Variants in SPRED1 observed in about 807,000 individuals in gnomAD.
SPRED1 encodes sprouty-related, EVH1 domain-containing protein 1.
A neutral mutation model predicts 52.3 loss-of-function variants in SPRED1; 18 were observed. That is an observed-to-expected ratio of 0.34 (90% CI 0.24 to 0.51). SPRED1 has a LOEUF of 0.51. Ranked by LOEUF, SPRED1 falls within the 20% of genes least tolerant of loss-of-function variation. SPRED1 has a pLI of 0.97. For synonymous variants in SPRED1, 155 were observed against 179.7 expected, an observed-to-expected ratio of 0.86 and a Z score of 1.10; for missense variants, 485 against 551.0, an observed-to-expected ratio of 0.88 and a Z score of 1.20.
chr15:38,302,279 A>G (rs2140980553), intron 2 of SPRED1, among the ~76,000 whole-genome samples: 1 of 152,240 alleles, frequency 6.6e-6, no homozygotes, highest in South Asian at 2.1e-4. Flanking sequence ...TTATGAGAGA[A>G]CCACTTTCAC....
At chr15:38,254,970 A>G (rs1464625291) in intron 1 of SPRED1, among the ~76,000 whole-genome samples, 1 of 152,252 alleles carries the variant, frequency 6.6e-6, no homozygotes, top group Non-Finnish European at 1.5e-5. Flanking sequence ...TAGAGATGGG[A>G]AAAGACTTCT....
intron 2 of SPRED1, among the ~76,000 whole-genome samples, chr15:38,309,822 A>G (rs2140985877): frequency 6.6e-6 from 1 of 152,222 alleles, no homozygotes; most frequent in African/African-American, 2.4e-5. Flanking sequence ...ATGAATGTCC[A>G]GTTTTTCCTG....
At chr15:38,334,939 C>T (rs915785550) in intron 4 of SPRED1, among the ~76,000 whole-genome samples, 1 of 151,374 alleles carries the variant, frequency 6.6e-6, no homozygotes, top group African/African-American at 2.4e-5. Context: ...TCACCAACAG[C>T]GCAAAAAAGT....
chr15:38,263,471 C>T (rs1224214924), intron 1 of SPRED1, among the ~76,000 whole-genome samples: 2 of 152,100 alleles, frequency 1.3e-5, no homozygotes, highest in African/African-American at 4.8e-5. Context: ...AAGTGAGAAA[C>T]AGCAGTGTTT....
intron 2 of SPRED1, among the ~76,000 whole-genome samples, chr15:38,314,472 C>T (rs1895431620): frequency 6.6e-6 from 1 of 151,844 alleles, no homozygotes; most frequent in African/African-American, 2.4e-5. Flanking sequence ...AGTTTAATTC[C>T]AGCTGAACAC....
In SPRED1 at chr15:38,331,589, T is replaced by C. The variant is rs532866779; in HGVS notation, c.423+6780T>C. Among the ~76,000 whole-genome samples, 44 of 152,250 alleles carry C rather than the reference T, an allele frequency of 2.9e-4. No homozygotes were observed. The Middle Eastern group carries it at 0.01, about 35-fold the overall frequency. On this transcript the variant is annotated intron_variant, in intron 4 of 6. Coordinates refer to ENST00000299084, the MANE Select transcript of SPRED1 (RefSeq NM_152594.3). ...CCAAAATTCAGATTTTCTTAAGCAC[T>C]GACATGTGGCTCAAAAGAATGCTCA...
Position 38,354,568 on chromosome 15 carries a change from G to C in SPRED1, c.*2904G>C, listed in dbSNP as rs1333903704. On this transcript the variant is annotated 3_prime_UTR_variant, in exon 7 of 7. Coordinates refer to ENST00000299084, the MANE Select transcript of SPRED1 (RefSeq NM_152594.3). Reference sequence around the variant, plus strand: ...TGAGATGGCAATAGGGATCTGACAGGGTTCATCACTACTACCATTAAAGGG... The same window carrying C: ...TGAGATGGCAATAGGGATCTGACAGCGTTCATCACTACTACCATTAAAGGG... The C allele has an allele frequency of 1.3e-5, 2 of 152,100 alleles. No homozygotes were observed. The highest frequency in any genetic ancestry group is 4.8e-5 in the African/African-American group (2 of 41,406). The allele number at this position is 152,100 out of a possible 1,614,324, so 9.4% of individuals were successfully genotyped here.
chr15:38,256,085 G>A (rs757669431), intron 1 of SPRED1, among the ~76,000 whole-genome samples: 12 of 152,118 alleles, frequency 7.9e-5, no homozygotes, highest in Non-Finnish European at 1.3e-4. Context: ...ATTAGTGGGG[G>A]ATCTGTTATG....
intron 5 of SPRED1, among the ~76,000 whole-genome samples, chr15:38,346,220 A>G (rs1459099062): frequency 6.6e-6 from 1 of 151,978 alleles, no homozygotes; most frequent in Admixed American, 6.6e-5. Flanking sequence ...AGGAGTCTAA[A>G]GCCTGAGAAT....
intron 2 of SPRED1, among the ~76,000 whole-genome samples, chr15:38,307,859 G>A (rs570062136): frequency 3.0e-4 from 45 of 152,180 alleles, no homozygotes; most frequent in Non-Finnish European, 5.1e-4. Flanking sequence ...TCGCATGTAG[G>A]TACATTTACT....
At chr15:38,322,948 C>T (rs534805031) in intron 3 of SPRED1, among the ~76,000 whole-genome samples, 2 of 152,136 alleles carry the variant, frequency 1.3e-5, no homozygotes, top group South Asian at 2.1e-4. Flanking sequence ...CAAAAGCATA[C>T]AGGTTTTGAA....
chr15:38,313,156 A>G (rs890571571), intron 2 of SPRED1, among the ~76,000 whole-genome samples: 1 of 152,026 alleles, frequency 6.6e-6, no homozygotes, highest in African/African-American at 2.4e-5. Flanking sequence ...ATTATAGTGT[A>G]TTTATCATAT....
intron 4 of SPRED1, chr15:38,325,902 G>A (rs1200713564): frequency 6.6e-6 from 1 of 152,116 alleles, no homozygotes; most frequent in Non-Finnish European, 1.5e-5. Flanking sequence ...ATAAATGTTT[G>A]TTATTTTAAG....
chr15:38,305,115 G>C (rs1426193273), intron 2 of SPRED1, among the ~76,000 whole-genome samples: 3 of 152,128 alleles, frequency 2.0e-5, no homozygotes, highest in Non-Finnish European at 4.4e-5. Flanking sequence ...GATTGCCTGA[G>C]GTCAGGAGTT....
chr15:38,266,070 AC>A, intron 1 of SPRED1, among the ~76,000 whole-genome samples: 1 of 152,336 alleles, frequency 6.6e-6, no homozygotes, highest in South Asian at 2.1e-4. Flanking sequence ...AAGCAAAAAT[AC>A]GTTTACATTT....
At chr15:38,332,200 T>C (rs1459738145) in intron 4 of SPRED1, among the ~76,000 whole-genome samples, 1 of 152,156 alleles carries the variant, frequency 6.6e-6, no homozygotes, top group Non-Finnish European at 1.5e-5. Context: ...CAAATAGTAA[T>C]AGTGGCTATT....
At chr15:38,284,666 A>G (rs1024251749) in intron 1 of SPRED1, among the ~76,000 whole-genome samples, 8 of 152,004 alleles carry the variant, frequency 5.3e-5, no homozygotes, top group African/African-American at 1.5e-4. Context: ...TAATGTAGAG[A>G]TTCAAGTTTT....
chr15:38,334,900 T>G (rs990371556), intron 4 of SPRED1, among the ~76,000 whole-genome samples: 1 of 151,954 alleles, frequency 6.6e-6, no homozygotes, highest in African/African-American at 2.4e-5. Context: ...GATTTTTTTT[T>G]TTTCCAGTGC....
chr15:38,351,695 C>T lies in SPRED1; in HGVS notation c.*31C>T, dbSNP rs1314974043. 1.2e-6 allele frequency: 2 copies of T among 1,605,720 alleles called. No individual in the cohort carries two copies. The highest frequency in any genetic ancestry group is 1.7e-5 in the Admixed American group (1 of 59,878). On this transcript the variant is annotated 3_prime_UTR_variant, in exon 7 of 7. Coordinates refer to ENST00000299084, the MANE Select transcript of SPRED1 (RefSeq NM_152594.3). ...TCCAGTGCCAAAATGAGCTTAAAAT[C>T]TTTGTTTCCAGGAATTAGCTAACTT... is the stretch of plus-strand genomic sequence containing the variant.
Sources: allele counts gnomAD v4.1 joint callset (sites outside exome capture counted in the v4.1 genomes callset), GRCh38; gene constraint gnomAD v4.1.1; transcripts MANE v1.5; gene names NCBI Gene and HGNC (gene_info 2026-07-23, HGNC 2026-07-21).